Variants in CCDC9 observed in about 807,000 individuals in gnomAD.
CCDC9 encodes the protein coiled-coil domain containing 9, also known as coiled-coil domain-containing protein 9.
CCDC9 carries 52 observed loss-of-function variants against 65.6 expected under a neutral mutation model. The ratio of observed to expected loss-of-function variants is 0.79; its 90% CI spans 0.63 to 1.00. The LOEUF is 1.00. Ranked by LOEUF, CCDC9 falls within the 50% of genes least tolerant of loss-of-function variation. The pLI, the probability that CCDC9 is intolerant of heterozygous loss-of-function variation, is 0.00. For synonymous variants in CCDC9, 332 were observed against 280.3 expected (o/e 1.18, Z -1.84); for missense variants, 834 against 757.2 (o/e 1.10, Z -1.19).
downstream of CCDC9, chr19:47,275,603 C>T (rs2123499167): frequency 1.9e-6 from 1 of 525,030 alleles, no homozygotes; most frequent in Admixed American, 4.0e-5. Flanking sequence ...GCCCCTCCTG[C>T]TGTGGGATGC....
At position 47,271,647 on chromosome 19, in the gene CCDC9, C is replaced by T. The variant is rs202008753; in HGVS notation, c.1565C>T (p.Pro522Leu). The change falls in exon 12 of 12, where the codon CCG becomes CTG. Residue 522 changes from proline to leucine, a missense_variant. Pro to Leu is a moderately conservative substitution (Grantham distance 98, BLOSUM62 -3). Transcript: ENST00000221922. ...ACTCACCTGGCTGGCGCCCTCTCCC[C>T]GGGTGAGGCCTGGCCTTTTGAGAGT... ...RTTHLAGALS[P>L]GEAWPFESV 3.7e-5 allele frequency: 59 copies of T among 1,602,822 alleles called. No homozygotes were observed. Among genetic ancestry groups the T allele is most frequent in the Non-Finnish European group, 3.2e-5 (37 of 1,174,458 alleles).
downstream of CCDC9, chr19:47,272,015 G>A (rs2059127468): frequency 8.1e-7 from 1 of 1,239,166 alleles, no homozygotes; most frequent in Non-Finnish European, 1.0e-6. Context: ...TCTCTCTTGG[G>A]GTGGGGAGAT....
At chr19:47,275,096 G>A, downstream of CCDC9, 1 of 1,494,186 alleles carries the variant, frequency 6.7e-7, no homozygotes, top group South Asian at 1.3e-5. Flanking sequence ...TACCCACGCG[G>A]TCTCCCGCGG....
At chr19:47,270,218 C>G (rs1030276589) in intron 8 of CCDC9, among the ~76,000 whole-genome samples, 189 bp from the exon 9 acceptor site, 3 of 152,136 alleles carry the variant, frequency 2.0e-5, no homozygotes, top group Admixed American at 1.3e-4. Flanking sequence ...ATCTGTCTGC[C>G]TCGGCCTCCC....
chr19:47,260,844 G>A lies in CCDC9; in HGVS notation c.462+5G>A, dbSNP rs745999011. The A allele has an allele frequency of 1.2e-6, 2 of 1,607,396 alleles. No individual in the cohort carries two copies. The highest frequency in any genetic ancestry group is 2.7e-5 in the African/African-American group (2 of 74,410). ...ATCTCTGACCGTAAATCCAAGGTAG[G>A]AGCTAGGCAGCGCCTGGAGCCCTGG... On this transcript the variant is annotated splice_donor_5th_base_variant and intron_variant, in intron 5 of 11. Transcript: ENST00000221922.
chr19:47,258,569 T>C lies in CCDC9; in HGVS notation c.14T>C (p.Leu5Pro). ...GCCTCCCGGTCTCAGGCAGCCACAC[T>C]CGATTTGAAATCAAAGGAGGAGAAG... MAAT[L>P]DLKSKEEKDA... The change falls in exon 3 of 12, where the codon CTC (leucine) becomes CCC (proline). Residue 5 changes from leucine to proline, a missense_variant. Transcript: ENST00000221922. 1 of 1,614,002 alleles carries C rather than the reference T, an allele frequency of 6.2e-7. No homozygotes were observed. The highest frequency in any genetic ancestry group is 8.5e-7 in the Non-Finnish European group (1 of 1,179,926).
downstream of CCDC9, chr19:47,275,106 G>A: frequency 1.3e-6 from 2 of 1,491,504 alleles, no homozygotes; most frequent in South Asian, 1.3e-5. Flanking sequence ...GTCTCCCGCG[G>A]CACCCGCCGG....
chr19:47,270,330 C>T (rs2059107506), intron 8 of CCDC9, 77 bp from the exon 9 acceptor site: 2 of 1,428,910 alleles, frequency 1.4e-6, no homozygotes, highest in Non-Finnish European at 2.0e-6. Flanking sequence ...ATTCCTGACC[C>T]TGACCTCTCC....
chr19:47,263,868 A>T lies in CCDC9; in HGVS notation c.463-735A>T, dbSNP rs941611531. Among the ~76,000 whole-genome samples the T allele has an allele frequency of 2.9e-4, 39 of 134,288 alleles. 1 individual carries two copies. Among genetic ancestry groups the T allele is most frequent in the South Asian group, 2.8e-3 (12 of 4,258 alleles). 88.1% of individuals were successfully genotyped at this position (134,288 alleles called of 152,430 possible). A position where few individuals can be genotyped will look rare whatever the true frequency, so the allele number is the denominator to read the frequency against. Reference sequence around the variant, plus strand: ...CGTGAGCCACTGTGCCCGACCCGTTATTTTTATTTTTATTTTATTTTATTT... The same window carrying T: ...CGTGAGCCACTGTGCCCGACCCGTTTTTTTTATTTTTATTTTATTTTATTT... On this transcript the variant is annotated intron_variant, in intron 5 of 11. Coordinates refer to ENST00000221922, the MANE Select transcript of CCDC9 (RefSeq NM_015603.3).
downstream of CCDC9, chr19:47,275,331 G>A: frequency 5.2e-6 from 8 of 1,545,574 alleles, no homozygotes; most frequent in Non-Finnish European, 6.1e-6. Context: ...GGCCGCGGAG[G>A]GGCGAAGACC....
rs2059106696 is a variant in CCDC9 at position 47,270,258 on chromosome 19, C to A, written c.903-149C>A. On this transcript the variant is annotated intron_variant, in intron 8 of 11. Transcript: ENST00000221922. Reference sequence around the variant, plus strand: ...TGCGGGGATTACAGGCTTGAGCCACCATGCCCGGCCCTGTCCTACTTCTAG... The same window carrying A: ...TGCGGGGATTACAGGCTTGAGCCACAATGCCCGGCCCTGTCCTACTTCTAG... The A allele has an allele frequency of 1.2e-5, 9 of 741,102 alleles. 1 individual carries two copies. The highest frequency in any genetic ancestry group is 1.8e-5 in the Non-Finnish European group (8 of 435,530). 45.9% of individuals were successfully genotyped at this position (741,102 alleles called of 1,614,324 possible).
intron 7 of CCDC9, 27 bp downstream of exon 7, chr19:47,264,973 G>C (rs200381759): frequency 7.0e-7 from 1 of 1,428,922 alleles, no homozygotes; most frequent in Admixed American, 2.9e-5. Context: ...AGGACACCTC[G>C]GGGCTCTCAG....
intron 5 of CCDC9, among the ~76,000 whole-genome samples, chr19:47,261,759 G>A (rs958799507): frequency 1.3e-5 from 2 of 150,384 alleles, no homozygotes; most frequent in African/African-American, 4.9e-5. Flanking sequence ...GGCTCACGAG[G>A]CCTGTAATCC....
At chr19:47,257,319 G>T (rs528500273) in intron 1 of CCDC9, among the ~76,000 whole-genome samples, 1 of 151,804 alleles carries the variant, frequency 6.6e-6, no homozygotes, top group South Asian at 2.1e-4. Context: ...ATAATAATAA[G>T]AGATGGTAGG....
downstream of CCDC9, chr19:47,272,176 G>A: frequency 1.6e-6 from 2 of 1,232,948 alleles, no homozygotes; most frequent in Non-Finnish European, 2.0e-6. Flanking sequence ...GGGAGTGCAT[G>A]GGGCATGGGA....
chr19:47,274,382 G>GTCGGGGTGTCGC (rs1568644698), downstream of CCDC9: 1 of 151,946 alleles, frequency 6.6e-6, no homozygotes, highest in Non-Finnish European at 1.5e-5. Context: ...CGGGGGCGTG[G>GTCGGGGTGTCGC]TCGGGGTGTC....
rs899533013 is a variant in CCDC9 at position 47,257,404 on chromosome 19, C to T, written c.-72+795C>T. The T allele has an allele frequency of 5.7e-5, 7 of 122,978 alleles. No individual in the cohort carries two copies. In the East Asian group the frequency reaches 9.7e-4, roughly 17 times the overall value. The allele number at this position is 122,978 out of a possible 1,614,324, so 7.6% of individuals were successfully genotyped here. A position where few individuals can be genotyped will look rare whatever the true frequency, so the allele number is the denominator to read the frequency against. On this transcript the variant is annotated intron_variant, in intron 1 of 11. Transcript: ENST00000221922. Reference sequence around the variant, plus strand: ...GCTGGGAAAGTCGGGAGCGGGGCCACATTAATGGCCCATGGGTGGGGGCGG... The same window carrying T: ...GCTGGGAAAGTCGGGAGCGGGGCCATATTAATGGCCCATGGGTGGGGGCGG...
downstream of CCDC9, chr19:47,274,725 G>A (rs1480526408): frequency 1.0e-5 from 3 of 292,964 alleles, no homozygotes; most frequent in Admixed American, 5.8e-5. Flanking sequence ...TCCGCCTGTC[G>A]GTGGTGGGGC....
intron 8 of CCDC9, among the ~76,000 whole-genome samples, chr19:47,267,263 C>T (rs1338265230): frequency 2.0e-5 from 3 of 150,798 alleles, no homozygotes; most frequent in Admixed American, 6.6e-5. Flanking sequence ...CGCGCGCGGC[C>T]GAGCATTTCT....
Sources: gnomAD v4.1 joint callset for allele counts (sites outside exome capture counted in the v4.1 genomes callset) on GRCh38, gnomAD v4.1.1 for gene constraint, MANE v1.5 for transcripts, NCBI Gene and HGNC (gene_info 2026-07-23, HGNC 2026-07-21) for gene names.